Variants in UBE2E1 observed in about 807,000 individuals in gnomAD.
The protein encoded by UBE2E1 is ubiquitin conjugating enzyme E2 E1.
Under a neutral mutation model 21.4 loss-of-function variants are expected in UBE2E1, and 6 were observed. The observed-to-expected ratio is 0.28, with a 90% CI of 0.15 to 0.55. The LOEUF (loss-of-function observed/expected upper bound fraction) is 0.55. Ranked by LOEUF, UBE2E1 falls within the 20% of genes least tolerant of loss-of-function variation. The pLI is 0.93. For missense variants in UBE2E1, 142 were observed against 236.5 expected (o/e 0.60, Z 2.62); for synonymous variants, 87 against 82.7 (o/e 1.05, Z -0.28).
intron 3 of UBE2E1, among the ~76,000 whole-genome samples, chr3:23,862,332 T>C (rs1344595210): frequency 6.6e-6 from 1 of 152,230 alleles, no homozygotes; most frequent in African/African-American, 2.4e-5. Context: ...CCAAAAGTTC[T>C]TCGGTTTGGT....
At chr3:23,855,850 TAAA>T (rs971505409) in intron 3 of UBE2E1, among the ~76,000 whole-genome samples, 4 of 151,390 alleles carry the variant, frequency 2.6e-5, no homozygotes, top group Non-Finnish European at 5.9e-5. Flanking sequence ...AAATAAAAAA[TAAA>T]AAAAAGAAGT....
At position 23,836,184 on chromosome 3, in the gene UBE2E1, A is replaced by G. The variant is rs577625645; in HGVS notation, c.203+24674A>G. ...GCATTTTAAAAAGCCTTGTGAATAA[A>G]TCTTTACAAGAGAGTTTTTATAACT... is the stretch of plus-strand genomic sequence containing the variant. On this transcript the variant is annotated intron_variant, in intron 3 of 5. Transcript: ENST00000306627. This position sits in a 1 kb window ranked among gnomAD's most constrained non-coding sequence, Gnocchi z 4.1. Among the ~76,000 whole-genome samples, 4 of 152,386 alleles carry G rather than the reference A, an allele frequency of 2.6e-5. No individual in the cohort carries two copies. Among genetic ancestry groups the G allele is most frequent in the African/African-American group, 7.2e-5 (3 of 41,600 alleles).
Position 23,870,663 on chromosome 3 carries a change from T to C in UBE2E1, c.204-16904T>C, listed in dbSNP as rs1700763702. 7.2e-6 allele frequency among the ~76,000 whole-genome samples: 1 copy of C among 138,200 alleles called. No homozygotes were observed. The highest frequency in any genetic ancestry group is 2.5e-4 in the South Asian group (1 of 4,012). 90.7% of individuals were successfully genotyped at this position (138,200 alleles called of 152,430 possible). On this transcript the variant is annotated intron_variant, in intron 3 of 5. Transcript: ENST00000306627. The surrounding 1 kb of genome is among the most constrained non-coding windows in gnomAD (Gnocchi z 4.2). ...TTCACTTATATTTTCTTCAAGTTCC[T>C]ATTTAAAATTCTTTTTTTATTTTAT...
intron 3 of UBE2E1, among the ~76,000 whole-genome samples, chr3:23,817,317 G>A (rs544051410): frequency 7.9e-5 from 12 of 151,778 alleles, no homozygotes; most frequent in Non-Finnish European, 1.6e-4. Context: ...AGCTACTTGG[G>A]AGGCTGAGGC....
chr3:23,838,529 C>A (rs545058004), intron 3 of UBE2E1, among the ~76,000 whole-genome samples: 1 of 152,182 alleles, frequency 6.6e-6, no homozygotes, highest in Non-Finnish European at 1.5e-5. Flanking sequence ...GAGTCTTACC[C>A]TGTCACCCAG....
chr3:23,855,106 A>G (rs1201317088), intron 3 of UBE2E1, among the ~76,000 whole-genome samples: 1 of 152,224 alleles, frequency 6.6e-6, no homozygotes, highest in Non-Finnish European at 1.5e-5. Flanking sequence ...CCAAAAATAG[A>G]GAGTTCATTA....
chr3:23,811,837 C>T (rs1261725039), intron 3 of UBE2E1, among the ~76,000 whole-genome samples: 1 of 152,126 alleles, frequency 6.6e-6, no homozygotes, highest in Non-Finnish European at 1.5e-5. Flanking sequence ...CTTTCAGATG[C>T]GAAGGACATT....
Position 23,890,592 on chromosome 3 carries a change from A to G in UBE2E1, c.568A>G (p.Arg190Gly). Residue 190 changes from arginine to glycine, a missense_variant, in exon 6 of 6, where the codon AGA (arginine) becomes GGA (glycine). Physicochemically the swap from Arg to Gly is moderately radical, Grantham distance 125. Around this residue, in one of 2 missense-constraint regions of UBE2E1, gnomAD observed 87 missense variants for 184.9 expected, o/e 0.47. Coordinates refer to ENST00000306627, the MANE Select transcript of UBE2E1 (RefSeq NM_003341.5). ...CAGAATGGCCAGACAGTGGACCAAG[A>G]GATACGCTACATAAATTGGGGTTTC... ...HDRMARQWTK[R>G]YAT is the part of the protein sequence containing the mutation. 1 of 1,613,414 alleles carries G rather than the reference A, an allele frequency of 6.2e-7. No homozygotes were observed. The highest frequency in any genetic ancestry group is 8.5e-7 in the Non-Finnish European group (1 of 1,179,716).
intron 3 of UBE2E1, among the ~76,000 whole-genome samples, chr3:23,881,908 C>T (rs562385911): frequency 6.6e-6 from 1 of 152,242 alleles, no homozygotes; most frequent in Non-Finnish European, 1.5e-5. Context: ...GTGAGTGTTA[C>T]AGCTTTTAAG....
At chr3:23,880,649 G>T (rs1351305582) in intron 3 of UBE2E1, among the ~76,000 whole-genome samples, 1 of 152,188 alleles carries the variant, frequency 6.6e-6, no homozygotes, top group Admixed American at 6.5e-5. Flanking sequence ...TGCAGATTTG[G>T]TTTCTGACCA....
At chr3:23,839,962 C>T (rs980809017) in intron 3 of UBE2E1, among the ~76,000 whole-genome samples, 1 of 152,080 alleles carries the variant, frequency 6.6e-6, no homozygotes, top group Middle Eastern at 3.4e-3. Context: ...AGTTTCTTGG[C>T]TCTATGAGCT....
Position 23,809,115 on chromosome 3 carries a change from G to A in UBE2E1, c.152+1694G>A, listed in dbSNP as rs539801402. ...GATGATAGGTGTAGAAAAATGAAAG[G>A]TGGGAAGCTACAAATAGTAATTTTA... On this transcript the variant is annotated intron_variant, in intron 2 of 5. Coordinates refer to ENST00000306627, the MANE Select transcript of UBE2E1 (RefSeq NM_003341.5). Among the ~76,000 whole-genome samples, 123 of 152,288 alleles carry A rather than the reference G, an allele frequency of 8.1e-4. 1 individual carries two copies. Among genetic ancestry groups the A allele is most frequent in the African/African-American group, 2.6e-3 (109 of 41,548 alleles).
intron 3 of UBE2E1, among the ~76,000 whole-genome samples, chr3:23,872,673 C>CA (rs1456964355): frequency 6.6e-6 from 1 of 151,976 alleles, no homozygotes; most frequent in Non-Finnish European, 1.5e-5. Flanking sequence ...TTTAAAATAA[C>CA]AAAAAACATA....
intron 3 of UBE2E1, among the ~76,000 whole-genome samples, chr3:23,815,846 G>A (rs1035754220): frequency 2.6e-5 from 4 of 152,230 alleles, no homozygotes; most frequent in Non-Finnish European, 1.5e-5. Flanking sequence ...GGATAGAAGT[G>A]TGACTTAAAC....
intron 3 of UBE2E1, among the ~76,000 whole-genome samples, chr3:23,861,242 C>T (rs17787211): frequency 0.17 from 25,696 of 152,172 alleles, 2,310 homozygotes; most frequent in Non-Finnish European, 0.2. Context: ...TGCCAGTGCT[C>T]TTGTCCAGGT....
chr3:23,810,734 G>A lies in UBE2E1; in HGVS notation c.153-726G>A. The A allele has an allele frequency of 2.6e-6, 1 of 387,940 alleles. No homozygotes were observed. The highest frequency in any genetic ancestry group is 2.1e-5 in the African/African-American group (1 of 46,858). The allele number at this position is 387,940 out of a possible 1,614,324, so 24.0% of individuals were successfully genotyped here. A position where few individuals can be genotyped will look rare whatever the true frequency, so the allele number is the denominator to read the frequency against. ...GCTGGGGCGGCGCGGAGCAGCCCCC[G>A]TGCGGGCACCCTGTTCCCCTCCCCC... On this transcript the variant is annotated intron_variant, in intron 2 of 5. Transcript: ENST00000306627. This position sits in a 1 kb window ranked among gnomAD's most constrained non-coding sequence, Gnocchi z 5.8.
intron 3 of UBE2E1, among the ~76,000 whole-genome samples, chr3:23,859,959 C>A (rs1029471777): frequency 2.0e-5 from 3 of 152,210 alleles, no homozygotes; most frequent in Admixed American, 2.0e-4. Flanking sequence ...GTCCCGACTG[C>A]TGGAGCCACT....
intron 3 of UBE2E1, among the ~76,000 whole-genome samples, chr3:23,841,427 G>A (rs748111525): frequency 6.6e-6 from 1 of 151,700 alleles, no homozygotes; most frequent in Non-Finnish European, 1.5e-5. Context: ...CTCAGAATTA[G>A]ATGTGCTTTG....
intron 3 of UBE2E1, among the ~76,000 whole-genome samples, chr3:23,829,164 C>CAAAAAAA (rs56097157): frequency 7.8e-6 from 1 of 128,138 alleles, no homozygotes; most frequent in Non-Finnish European, 1.6e-5. Flanking sequence ...GACAGGGCCT[C>CAAAAAAA]AAAAAAAAAA....
Sources: allele counts gnomAD v4.1 joint callset (sites outside exome capture counted in the v4.1 genomes callset), GRCh38; gene constraint gnomAD v4.1.1; regional missense constraint gnomAD v4.1.1; non-coding constraint Gnocchi (gnomAD v3.1); transcripts MANE v1.5; gene names NCBI Gene and HGNC (gene_info 2026-07-23, HGNC 2026-07-21).